CDH13: variants seen among roughly 807,000 people sequenced by gnomAD.
CDH13 encodes cadherin 13.
A neutral mutation model predicts 63.8 loss-of-function variants in CDH13; 24 were observed. The ratio of observed to expected loss-of-function variants is 0.38; its 90% CI spans 0.27 to 0.53. The LOEUF (loss-of-function observed/expected upper bound fraction) is 0.53, where lower values mean the gene tolerates loss of function less well. Among genes scored for constraint, CDH13 ranks in the 20% least tolerant of loss-of-function variants. The pLI, the probability that CDH13 is intolerant of heterozygous loss-of-function variation, is 0.85. For synonymous variants in CDH13, 503 were observed against 355.3 expected (o/e 1.42, Z -4.67); for missense variants, 1,049 against 903.1 (o/e 1.16, Z -2.07).
chr16:83,199,615 A>T (rs552860279), intron 4 of CDH13, among the ~76,000 whole-genome samples: 1 of 152,208 alleles, frequency 6.6e-6, no homozygotes, highest in Admixed American at 6.5e-5. Flanking sequence ...ATGCCACTTG[A>T]AAAACATTTT....
intron 5 of CDH13, among the ~76,000 whole-genome samples, chr16:83,259,262 A>G (rs1906668960): frequency 1.3e-5 from 2 of 152,128 alleles, no homozygotes; most frequent in Non-Finnish European, 1.5e-5. Flanking sequence ...GGAGCTAATG[A>G]GAATCTGGTA....
chr16:83,292,703 A>G (rs2089493671), intron 5 of CDH13, among the ~76,000 whole-genome samples: 1 of 152,172 alleles, frequency 6.6e-6, no homozygotes, highest in Non-Finnish European at 1.5e-5. Context: ...CTCATTAAAA[A>G]CAACAACCAT....
chr16:83,262,447 T>C (rs1431234551), intron 5 of CDH13, among the ~76,000 whole-genome samples: 13 of 152,224 alleles, frequency 8.5e-5, no homozygotes, highest in African/African-American at 2.4e-4. Flanking sequence ...AGAAGAAATT[T>C]CATTTTCTTT....
chr16:82,955,935 T>C (rs1283616821), intron 2 of CDH13, among the ~76,000 whole-genome samples: 1 of 152,218 alleles, frequency 6.6e-6, no homozygotes, highest in East Asian at 1.9e-4. Context: ...CTATGAAATA[T>C]GCAAGAGTCT....
chr16:83,229,645 C>T (rs2039947746), intron 5 of CDH13, among the ~76,000 whole-genome samples: 1 of 152,106 alleles, frequency 6.6e-6, no homozygotes, highest in South Asian at 2.1e-4. Context: ...CCCAGTGAGG[C>T]ATTAGGTAGT....
chr16:82,985,255 T>A (rs920594803), intron 2 of CDH13, among the ~76,000 whole-genome samples: 1 of 152,172 alleles, frequency 6.6e-6, no homozygotes, highest in Non-Finnish European at 1.5e-5. Context: ...AGAACTTCTT[T>A]TGAATCTAAA....
intron 5 of CDH13, 75 bp downstream of exon 5, chr16:83,217,572 T>A (rs954261920): frequency 6.8e-7 from 1 of 1,463,294 alleles, no homozygotes; most frequent in Non-Finnish European, 9.4e-7. Context: ...CCCACTGAGC[T>A]CATTATTTCT....
Position 83,795,594 on chromosome 16 carries a change from C to G in CDH13, c.*564C>G, listed in dbSNP as rs1198001193. On this transcript the variant is annotated 3_prime_UTR_variant, in exon 14 of 14. Transcript: ENST00000567109. ...CTTTTGCTCCGAAGCTACTTCTCCA[C>G]TGTCCCGTTCAGTCTGAATGCTGCC... 3 of 152,556 alleles carry G rather than the reference C, an allele frequency of 2.0e-5. No homozygotes were observed. The highest frequency in any genetic ancestry group is 4.8e-5 in the African/African-American group (2 of 41,440). The allele number at this position is 152,556 out of a possible 1,614,324, so 9.5% of individuals were successfully genotyped here.
intron 4 of CDH13, among the ~76,000 whole-genome samples, chr16:83,190,334 A>G (rs1176321034): frequency 6.6e-6 from 1 of 152,204 alleles, no homozygotes; most frequent in Non-Finnish European, 1.5e-5. Flanking sequence ...AAGGGGTTGG[A>G]AAGCCTGCTG....
At chr16:83,552,591 A>G (rs1275538657) in intron 7 of CDH13, among the ~76,000 whole-genome samples, 1 of 152,232 alleles carries the variant, frequency 6.6e-6, no homozygotes, top group Non-Finnish European at 1.5e-5. Context: ...AGTGAATAGA[A>G]AGTCACATTA....
intron 7 of CDH13, among the ~76,000 whole-genome samples, chr16:83,552,876 C>G (rs1438684249): frequency 1.3e-5 from 2 of 152,062 alleles, no homozygotes; most frequent in East Asian, 1.9e-4. Context: ...GTCAGGAGTT[C>G]GAGACCAGCC....
intron 2 of CDH13, among the ~76,000 whole-genome samples, chr16:83,004,211 C>A (rs984508182): frequency 6.6e-6 from 1 of 152,000 alleles, no homozygotes; most frequent in South Asian, 2.1e-4. Flanking sequence ...TCCCTTGCAG[C>A]GGGTTTTGTA....
At chr16:82,999,505 C>T (rs1256752372) in intron 2 of CDH13, among the ~76,000 whole-genome samples, 1 of 151,670 alleles carries the variant, frequency 6.6e-6, no homozygotes, top group African/African-American at 2.4e-5. Context: ...TACCAAGATA[C>T]GTGTTCAAGG....
intron 2 of CDH13, among the ~76,000 whole-genome samples, chr16:82,902,150 A>G (rs1318297439): frequency 6.6e-6 from 1 of 152,110 alleles, no homozygotes; most frequent in African/African-American, 2.4e-5. Flanking sequence ...GCTTTGATGG[A>G]TGTGAGGTGA....
intron 3 of CDH13, among the ~76,000 whole-genome samples, chr16:83,095,622 C>T (rs2034155515): frequency 6.6e-6 from 1 of 152,192 alleles, no homozygotes. Flanking sequence ...TCGCCAAAAT[C>T]CTTGGCATAT....
Position 82,793,008 on chromosome 16 carries a change from G to A in CDH13, c.46-65354G>A, listed in dbSNP as rs113268780. 1.4e-4 allele frequency among the ~76,000 whole-genome samples: 21 copies of A among 152,374 alleles called. 2 individuals carry two copies. Among genetic ancestry groups the A allele is most frequent in the African/African-American group, 5.0e-4 (21 of 41,588 alleles). The stretch of plus-strand genomic sequence containing the variant: ...GATGGGGTGACGTTCTGGCCAGGAA[G>A]CAGAAGCAGACTTGACTTTGGGCAG... On this transcript the variant is annotated intron_variant, in intron 1 of 13. Coordinates refer to ENST00000567109, the MANE Select transcript of CDH13 (RefSeq NM_001257.5).
At chr16:83,387,928 A>T (rs762685525) in intron 6 of CDH13, among the ~76,000 whole-genome samples, 1 of 152,170 alleles carries the variant, frequency 6.6e-6, no homozygotes, top group Non-Finnish European at 1.5e-5. Flanking sequence ...GTATTCAAGA[A>T]TTTCTGTAGT....
At chr16:83,447,856 C>T (rs2072758073) in intron 6 of CDH13, among the ~76,000 whole-genome samples, 1 of 151,762 alleles carries the variant, frequency 6.6e-6, no homozygotes, top group African/African-American at 2.4e-5. Context: ...GACCAGTTCT[C>T]TCTCTCAAGA....
chr16:83,200,058 A>G (rs969922464), intron 4 of CDH13, among the ~76,000 whole-genome samples: 2 of 152,304 alleles, frequency 1.3e-5, no homozygotes, highest in African/African-American at 4.8e-5. Flanking sequence ...ATCCCTGGAC[A>G]GCGCCTCATT....
Sources: gnomAD v4.1 joint callset for allele counts (sites outside exome capture counted in the v4.1 genomes callset) on GRCh38, gnomAD v4.1.1 for gene constraint, MANE v1.5 for transcripts, NCBI Gene and HGNC (gene_info 2026-07-23, HGNC 2026-07-21) for gene names.